The following ATAD2 variants were observed in gnomAD, a reference collection of about 807,000 sequenced individuals.
ATAD2 encodes the protein ATPase family AAA domain-containing protein 2.
ATAD2 carries 62 observed loss-of-function variants against 168.9 expected under a neutral mutation model. That is an observed-to-expected ratio of 0.37 (90% CI 0.30 to 0.45). The LOEUF (loss-of-function observed/expected upper bound fraction) is 0.45. Ranked by LOEUF, ATAD2 falls within the 20% of genes least tolerant of loss-of-function variation. ATAD2 has a pLI of 1.00. For missense variants in ATAD2, 1,419 were observed against 1,667.8 expected (o/e 0.85, Z 2.60); for synonymous variants, 613 against 571.6 (o/e 1.07, Z -1.03).
chr8:123,325,048 T>C (rs1827571490), intron 26 of ATAD2, among the ~76,000 whole-genome samples: 1 of 151,556 alleles, frequency 6.6e-6, no homozygotes, highest in East Asian at 1.9e-4. Context: ...TGTCTATTTT[T>C]TTTTTAAGAA....
At chr8:123,403,448 C>G (rs1311630895) in intron 1 of ATAD2, among the ~76,000 whole-genome samples, 1 of 150,118 alleles carries the variant, frequency 6.7e-6, no homozygotes, top group Non-Finnish European at 1.5e-5. Flanking sequence ...ATTTTAGAGA[C>G]AGGGTCTCCC....
intron 1 of ATAD2, 98 bp downstream of exon 1, chr8:123,396,089 C>T: frequency 7.5e-7 from 1 of 1,339,152 alleles, no homozygotes; most frequent in Non-Finnish European, 9.8e-7. Context: ...AACTGTCACC[C>T]TGACCGGCGC....
At chr8:123,386,574 C>G (rs894767949) in intron 1 of ATAD2, among the ~76,000 whole-genome samples, 3 of 151,994 alleles carry the variant, frequency 2.0e-5, no homozygotes, top group Non-Finnish European at 4.4e-5. Flanking sequence ...TGAAAAAGTT[C>G]TGGAGATGAA....
rs905171792 is a variant in ATAD2, at chr8:123,402,728, T to G, written c.-2281-1553A>C. 6.6e-6 allele frequency among the ~76,000 whole-genome samples: 1 copy of G among 152,134 alleles called. No homozygotes were observed. The highest frequency in any genetic ancestry group is 1.5e-5 in the Non-Finnish European group (1 of 68,036). On this transcript the variant is annotated intron_variant, in intron 1 of 28. Coordinates refer to the ATAD2 transcript ENST00000521903. This position sits in a 1 kb window ranked among gnomAD's most constrained non-coding sequence, Gnocchi z 4.8. Reference sequence around the variant, plus strand: ...ATTCCTGCCCTCTCCTCAGCTGTAGTTGAAGGCTTTAACTTTGCACACTTT... The same window carrying G: ...ATTCCTGCCCTCTCCTCAGCTGTAGGTGAAGGCTTTAACTTTGCACACTTT...
intron 8 of ATAD2, among the ~76,000 whole-genome samples, chr8:123,364,119 A>C (rs1586885120): frequency 6.6e-6 from 1 of 152,190 alleles, no homozygotes. Context: ...TACCGCACTT[A>C]ATGTATGGCA....
chr8:123,365,362 A>G (rs145823924), intron 8 of ATAD2, among the ~76,000 whole-genome samples: 3,545 of 152,260 alleles, frequency 0.023, 144 homozygotes, highest in African/African-American at 0.082. Context: ...GCCAAAAGCA[A>G]TCTACAAATT....
intron 1 of ATAD2, among the ~76,000 whole-genome samples, chr8:123,385,814 TA>T (rs536818347): frequency 1.3e-3 from 202 of 152,050 alleles, no homozygotes; most frequent in Non-Finnish European, 2.0e-3. Context: ...CGCATACATA[TA>T]TATATCTCCA....
At position 123,409,938 on chromosome 8, in the gene ATAD2, C is replaced by CG. The variant is rs1554649214; in HGVS notation, c.-2282+6309dup. 7.1e-3 allele frequency among the ~76,000 whole-genome samples: 418 copies of CG among 58,534 alleles called. 6 individuals carry two copies. Among genetic ancestry groups the CG allele is most frequent in the African/African-American group, 0.023 (390 of 16,942 alleles). 38.4% of individuals were successfully genotyped at this position (58,534 alleles called of 152,430 possible). A position where few individuals can be genotyped will look rare whatever the true frequency, so the allele number is the denominator to read the frequency against. On this transcript the variant is annotated intron_variant, in intron 1 of 28. Transcript: ENST00000521903. ...GTGTGACAAGAGTGAGACTCCATCT[C>CG]GGAAAAAAAAAAAAAAAAAGCATTA...
intron 13 of ATAD2, among the ~76,000 whole-genome samples, chr8:123,351,748 GTTTT>G (rs987980082): frequency 1.5e-5 from 2 of 134,670 alleles, no homozygotes; most frequent in Non-Finnish European, 1.6e-5. Context: ...AAAAACTGAT[GTTTT>G]TTTTTTTTTT....
In ATAD2 at chr8:123,374,576, G is replaced by C. The variant is rs78259119; in HGVS notation, c.321-1890C>G. 2.7e-3 allele frequency among the ~76,000 whole-genome samples: 405 copies of C among 152,238 alleles called. 2 individuals are homozygous for C. The highest frequency in any genetic ancestry group is 9.4e-3 in the African/African-American group (389 of 41,546). ...TACTGTCTTCTTTTTGCCTGCAGGA[G>C]GAAAGCAACCTTCCAAGGGTTGGTA... On this transcript the variant is annotated intron_variant, in intron 2 of 27. Coordinates refer to ENST00000287394, the MANE Select transcript of ATAD2 (RefSeq NM_014109.4).
chr8:123,402,889 C>A lies in ATAD2; in HGVS notation c.-2281-1714G>T, dbSNP rs1813025054. Among the ~76,000 whole-genome samples the A allele has an allele frequency of 6.6e-6, 1 of 152,054 alleles. No homozygotes were observed. Among genetic ancestry groups the A allele is most frequent in the Non-Finnish European group, 1.5e-5 (1 of 68,016 alleles). On this transcript the variant is annotated intron_variant, in intron 1 of 28. Coordinates refer to the ATAD2 transcript ENST00000521903. The surrounding 1 kb of genome is among the most constrained non-coding windows in gnomAD (Gnocchi z 4.8). ...AGCTTCAGGTGCCTCCTCTAAAGATCCTGATTTCATGCGTCTGAGATAAGG... is the reference window on the plus strand; with the variant it reads ...AGCTTCAGGTGCCTCCTCTAAAGATACTGATTTCATGCGTCTGAGATAAGG...
intron 1 of ATAD2, among the ~76,000 whole-genome samples, chr8:123,413,378 C>T (rs550254446): frequency 6.6e-6 from 1 of 152,232 alleles, no homozygotes; most frequent in South Asian, 2.1e-4. Flanking sequence ...TGGTCAACGG[C>T]TATGTTTATT....
At chr8:123,411,058 C>G (rs1430847588) in intron 1 of ATAD2, among the ~76,000 whole-genome samples, 2 of 152,112 alleles carry the variant, frequency 1.3e-5, no homozygotes, top group Non-Finnish European at 2.9e-5. Context: ...GCCAAGAACC[C>G]CAGGTCAGAG....
intron 1 of ATAD2, 25 bp downstream of exon 1, chr8:123,396,162 G>A: frequency 6.5e-7 from 1 of 1,538,116 alleles, no homozygotes; most frequent in Non-Finnish European, 8.7e-7. Context: ...ACCGCCCTGG[G>A]AGCCCGCCTC....
rs1286358664 is a variant in ATAD2, at chr8:123,357,682, T to G, written c.1437A>C (p.Ala479=). 5.6e-6 allele frequency: 9 copies of G among 1,613,572 alleles called. No individual in the cohort carries two copies. The highest frequency in any genetic ancestry group is 6.8e-6 in the Non-Finnish European group (8 of 1,179,916). Reference sequence around the variant, plus strand: ...CCCCTTGACTGCACTCATTGGCAAGTGCTCTGGCAACCAGAGTCTTTCCAG... The same window carrying G: ...CCCCTTGACTGCACTCATTGGCAAGGGCTCTGGCAACCAGAGTCTTTCCAG... ...PGTGKTLVAR[A]LANECSQGDK... The change falls in exon 12 of 28, where the codon GCA becomes GCC. Residue 479 remains alanine (A), a synonymous_variant. Transcript: ENST00000287394.
intron 1 of ATAD2, among the ~76,000 whole-genome samples, chr8:123,407,273 G>T (rs1239954861): frequency 6.6e-6 from 1 of 152,160 alleles, no homozygotes; most frequent in Non-Finnish European, 1.5e-5. Flanking sequence ...GTTTTTAAAG[G>T]TTACCAAGTT....
In ATAD2 at chr8:123,371,825, A is replaced by T. The variant is rs142405170; in HGVS notation, c.381T>A (p.Ile127=). ...TAGCCCTCAATGACCGAGTAACTGGAATCACTTTGTCTTCACAAATGCATA... is the reference window on the plus strand; with the variant it reads ...TAGCCCTCAATGACCGAGTAACTGGTATCACTTTGTCTTCACAAATGCATA... ...KKEEHREDKV[I]PVTRSLRARN... is the part of the protein sequence containing the mutation. Residue 127 remains isoleucine (I), a synonymous_variant, in exon 4 of 28, where the codon ATT becomes ATA. Transcript: ENST00000287394. The T allele has an allele frequency of 3.1e-6, 5 of 1,598,942 alleles. No individual in the cohort carries two copies. Among genetic ancestry groups the T allele is most frequent in the Non-Finnish European group, 4.3e-6 (5 of 1,175,164 alleles).
chr8:123,372,785 T>A, intron 2 of ATAD2, 99 bp from the exon 3 acceptor site: 2 of 991,340 alleles, frequency 2.0e-6, no homozygotes, highest in Non-Finnish European at 2.8e-6. Context: ...AGGAGTGCAG[T>A]GGCACAATCA....
intron 8 of ATAD2, among the ~76,000 whole-genome samples, chr8:123,366,896 TAAAAAA>T (rs77797973): frequency 2.0e-5 from 3 of 146,348 alleles, no homozygotes; most frequent in Admixed American, 6.8e-5. Context: ...ATAAAAAATT[TAAAAAA>T]AAAAGAGGAA....
Sources: allele counts gnomAD v4.1 joint callset (sites outside exome capture counted in the v4.1 genomes callset), GRCh38; gene constraint gnomAD v4.1.1; non-coding constraint Gnocchi (gnomAD v3.1); transcripts MANE v1.5; gene names NCBI Gene and HGNC (gene_info 2026-07-23, HGNC 2026-07-21).